Variants in ASTN2 observed in about 807,000 individuals in gnomAD.
The protein encoded by ASTN2 is astrotactin 2.
ASTN2 carries 54 observed loss-of-function variants against 139.8 expected under a neutral mutation model. The ratio of observed to expected loss-of-function variants is 0.39; its 90% CI spans 0.31 to 0.48. The LOEUF (loss-of-function observed/expected upper bound fraction) is 0.48, where lower values mean the gene tolerates loss of function less well. ASTN2 is among the 20% of genes least tolerant of loss of function. The pLI, the probability that ASTN2 is intolerant of heterozygous loss-of-function variation, is 0.95. For missense variants in ASTN2, 1,565 were observed against 1,725.1 expected (o/e 0.91, Z 1.64); for synonymous variants, 756 against 719.5 (o/e 1.05, Z -0.81).
At chr9:116,724,534 T>G (rs2132114629) in intron 16 of ASTN2, among the ~76,000 whole-genome samples, 1 of 152,272 alleles carries the variant, frequency 6.6e-6, no homozygotes, top group South Asian at 2.1e-4. Flanking sequence ...ACAGGAGGTG[T>G]AGAGCACCCC....
At chr9:116,519,057 G>C (rs969873244) in intron 19 of ASTN2, among the ~76,000 whole-genome samples, 28 of 151,944 alleles carry the variant, frequency 1.8e-4, no homozygotes, top group African/African-American at 6.8e-4. Context: ...AATAACAGTG[G>C]GGGACTTTAA....
intron 1 of ASTN2, among the ~76,000 whole-genome samples, chr9:117,349,778 G>A (rs1564159842): frequency 6.6e-6 from 1 of 152,132 alleles, no homozygotes; most frequent in Non-Finnish European, 1.5e-5. Context: ...AATAAGTCAG[G>A]ATGATATCAG....
chr9:116,579,751 C>T (rs1012408002), intron 19 of ASTN2, among the ~76,000 whole-genome samples: 6 of 152,220 alleles, frequency 3.9e-5, no homozygotes, highest in Middle Eastern at 3.4e-3. Flanking sequence ...AAAATAACCC[C>T]GGCTCTGCTG....
intron 1 of ASTN2, among the ~76,000 whole-genome samples, chr9:117,386,191 T>A (rs998774735): frequency 4.0e-5 from 6 of 151,832 alleles, no homozygotes; most frequent in African/African-American, 1.5e-4. Flanking sequence ...AAGAAAATAA[T>A]AAAGCCAGTC....
chr9:117,382,580 T>C lies in ASTN2; in HGVS notation c.442+31917A>G, dbSNP rs60406427. Among the ~76,000 whole-genome samples the C allele has an allele frequency of 1.4e-3, 208 of 152,252 alleles. 1 individual carries two copies. The highest frequency in any genetic ancestry group is 4.7e-3 in the African/African-American group (196 of 41,540). On this transcript the variant is annotated intron_variant, in intron 1 of 22. Transcript: ENST00000313400. ...ATGCCAAAGTTCTTTGCATCTTTGC[T>C]CTACACTAGAATGCTCCTAGGCCAG...
chr9:117,200,577 G>T (rs1194370263), intron 3 of ASTN2, among the ~76,000 whole-genome samples: 1 of 152,160 alleles, frequency 6.6e-6, no homozygotes, highest in African/African-American at 2.4e-5. Context: ...ATGAAGGGAT[G>T]TTGAATTTTA....
At position 117,059,437 on chromosome 9, in the gene ASTN2, C is replaced by A. The variant is rs544735316; in HGVS notation, c.1277-19472G>T. 8.6e-5 allele frequency among the ~76,000 whole-genome samples: 13 copies of A among 151,944 alleles called. No individual in the cohort carries two copies. The South Asian group carries it at 2.3e-3, about 27-fold the overall frequency. Reference sequence around the variant, plus strand: ...GAGCAGCCTGACCAACATGGTGAAACCCCATCTCTACTAAAAATACAAAAA... The same window carrying A: ...GAGCAGCCTGACCAACATGGTGAAAACCCATCTCTACTAAAAATACAAAAA... On this transcript the variant is annotated intron_variant, in intron 5 of 22. Coordinates refer to ENST00000313400, the MANE Select transcript of ASTN2 (RefSeq NM_001365068.1).
At chr9:116,519,093 T>C (rs751637566) in intron 19 of ASTN2, among the ~76,000 whole-genome samples, 8 of 151,462 alleles carry the variant, frequency 5.3e-5, no homozygotes, top group Non-Finnish European at 1.2e-4. Flanking sequence ...ACAAGACAGG[T>C]CAACAAGACA....
chr9:116,746,252 A>G lies in ASTN2; in HGVS notation c.2397-12729T>C, dbSNP rs1390024572. ...CAGGCATGCATCACCATGCCCGGCT[A>G]ATGTTTGTATTTTTCAGTAGAGATG... On this transcript the variant is annotated intron_variant, in intron 13 of 22. Coordinates refer to ENST00000313400, the MANE Select transcript of ASTN2 (RefSeq NM_001365068.1). Among the ~76,000 whole-genome samples, 2 of 151,632 alleles carry G rather than the reference A, an allele frequency of 1.3e-5. 1 individual carries two copies. The highest frequency in any genetic ancestry group is 4.9e-5 in the African/African-American group (2 of 41,220).
At chr9:116,885,082 G>A (rs1405686903) in intron 10 of ASTN2, among the ~76,000 whole-genome samples, 1 of 152,010 alleles carries the variant, frequency 6.6e-6, no homozygotes, top group African/African-American at 2.4e-5. Context: ...AACCTTAATT[G>A]CCTCTTTAAT....
chr9:116,594,553 T>C (rs1376676398), intron 19 of ASTN2, among the ~76,000 whole-genome samples: 2 of 152,024 alleles, frequency 1.3e-5, no homozygotes, highest in African/African-American at 4.8e-5. Flanking sequence ...ATCAGAAGAG[T>C]CCAGTCTCAC....
In ASTN2 at chr9:116,973,094, G is replaced by C. The variant is rs546580302; in HGVS notation, c.1889+2114C>G. On this transcript the variant is annotated intron_variant, in intron 10 of 22. Transcript: ENST00000313400. ...TACATAGTGCAGATTCTCTCAAATGGTGATGATTGCAATCTTTTATCCCCT... is the reference window on the plus strand; with the variant it reads ...TACATAGTGCAGATTCTCTCAAATGCTGATGATTGCAATCTTTTATCCCCT... 1.2e-4 allele frequency among the ~76,000 whole-genome samples: 18 copies of C among 152,274 alleles called. 1 individual carries two copies. The South Asian group carries it at 3.5e-3, about 30-fold the overall frequency.
chr9:116,972,181 T>C (rs1836226915), intron 10 of ASTN2, among the ~76,000 whole-genome samples: 2 of 146,744 alleles, frequency 1.4e-5, no homozygotes, highest in Non-Finnish European at 3.0e-5. Flanking sequence ...TCTAACATCA[T>C]AAATTAGTTT....
intron 19 of ASTN2, among the ~76,000 whole-genome samples, chr9:116,501,408 T>C (rs994830482): frequency 2.7e-4 from 41 of 152,200 alleles, no homozygotes; most frequent in Non-Finnish European, 2.1e-4. Flanking sequence ...CTATGGTGAA[T>C]AGTGCCGCAA....
At chr9:117,120,354 G>C (rs143503367) in intron 4 of ASTN2, among the ~76,000 whole-genome samples, 1 of 152,034 alleles carries the variant, frequency 6.6e-6, no homozygotes, top group African/African-American at 2.4e-5. Context: ...AACCAAAGGA[G>C]AGCCTGGGTG....
intron 5 of ASTN2, among the ~76,000 whole-genome samples, chr9:117,060,315 GAAAAAAGAAAGAAAGAAAGAAAGA>G (rs1271071124): frequency 1.2e-5 from 1 of 82,702 alleles, no homozygotes; most frequent in Non-Finnish European, 2.3e-5. Context: ...TGTCAAAAAA[GAAAAAAGAAAGAAAGAAAGAAAGA>G]AAGAGAGAAA....
At chr9:116,673,989 G>T (rs1006382314) in intron 16 of ASTN2, among the ~76,000 whole-genome samples, 1 of 152,132 alleles carries the variant, frequency 6.6e-6, no homozygotes, top group Non-Finnish European at 1.5e-5. Flanking sequence ...AACTAACTTT[G>T]GGAGAAACTT....
rs1001712982 is a variant in ASTN2, at chr9:116,582,682, C to T, written c.3355+35642G>A. ...CTCTGTGCACGAAACTGTGTAAACA[C>T]CAGTAAGCATGAGAAAAGATCTATC... is the stretch of plus-strand genomic sequence containing the variant. On this transcript the variant is annotated intron_variant, in intron 19 of 22. Coordinates refer to ENST00000313400, the MANE Select transcript of ASTN2 (RefSeq NM_001365068.1). The T allele has an allele frequency of 2.0e-5, 3 of 152,266 alleles. No homozygotes were observed. In the South Asian group the frequency reaches 6.2e-4, roughly 32 times the overall value. 9.4% of individuals were successfully genotyped at this position (152,266 alleles called of 1,614,324 possible). A position where few individuals can be genotyped will look rare whatever the true frequency, so the allele number is the denominator to read the frequency against.
chr9:116,629,396 C>T (rs529588568), intron 17 of ASTN2, among the ~76,000 whole-genome samples: 2 of 152,206 alleles, frequency 1.3e-5, no homozygotes, highest in South Asian at 2.1e-4. Context: ...GGATTACAGG[C>T]GTGAGCCACC....
Sources: gnomAD v4.1 joint callset for allele counts (sites outside exome capture counted in the v4.1 genomes callset) on GRCh38, gnomAD v4.1.1 for gene constraint, MANE v1.5 for transcripts, NCBI Gene and HGNC (gene_info 2026-07-23, HGNC 2026-07-21) for gene names.